NUBPL: variants seen among roughly 807,000 people sequenced by gnomAD.
NUBPL encodes the protein iron-sulfur cluster transfer protein NUBPL.
A neutral mutation model predicts 45.7 loss-of-function variants in NUBPL; 31 were observed. The observed-to-expected ratio is 0.68, with a 90% CI of 0.51 to 0.92. NUBPL has a LOEUF of 0.92. Ranked by LOEUF, NUBPL falls within the 40% of genes least tolerant of loss-of-function variation. The pLI, the probability that NUBPL is intolerant of heterozygous loss-of-function variation, is 0.00. For missense variants in NUBPL, 401 were observed against 398.7 expected, an observed-to-expected ratio of 1.01 and a Z score of -0.05; for synonymous variants, 144 against 140.9, an observed-to-expected ratio of 1.02 and a Z score of -0.15.
chr14:31,597,707 A>G (rs2139550874), intron 3 of NUBPL, among the ~76,000 whole-genome samples: 1 of 152,272 alleles, frequency 6.6e-6, no homozygotes, highest in Non-Finnish European at 1.5e-5. Flanking sequence ...GAATTTTAAA[A>G]TAGCTTTTGT....
At chr14:31,853,080 G>GTGTTTTGTTT (rs77960720) in intron 10 of NUBPL, among the ~76,000 whole-genome samples, 1,545 of 118,326 alleles carry the variant, frequency 0.013, 19 homozygotes, top group East Asian at 0.031. Flanking sequence ...GTGTTGTGTT[G>GTGTTTTGTTT]TGTTTTGTTT....
At chr14:31,807,329 T>A (rs1315828864) in intron 7 of NUBPL, among the ~76,000 whole-genome samples, 1 of 151,906 alleles carries the variant, frequency 6.6e-6, no homozygotes, top group Non-Finnish European at 1.5e-5. Context: ...TGGTGTGAGG[T>A]GGTATCTCAT....
chr14:31,727,050 A>G (rs1383218444), intron 6 of NUBPL, among the ~76,000 whole-genome samples: 3 of 152,196 alleles, frequency 2.0e-5, no homozygotes, highest in Admixed American at 6.5e-5. Context: ...TTGTTGAGTT[A>G]GCGAATAACC....
intron 4 of NUBPL, among the ~76,000 whole-genome samples, chr14:31,655,026 A>G (rs1433634442): frequency 6.6e-6 from 1 of 152,194 alleles, no homozygotes; most frequent in African/African-American, 2.4e-5. Flanking sequence ...ATGAGATTGC[A>G]GCAATTAAGT....
chr14:31,574,397 T>G (rs978964253), intron 3 of NUBPL, among the ~76,000 whole-genome samples: 1 of 151,158 alleles, frequency 6.6e-6, no homozygotes, highest in Non-Finnish European at 1.5e-5. Flanking sequence ...CCTGAGTAGC[T>G]GGGAGTACAG....
chr14:31,755,771 C>T (rs1015453026), intron 6 of NUBPL, among the ~76,000 whole-genome samples: 3 of 151,692 alleles, frequency 2.0e-5, no homozygotes, highest in African/African-American at 7.3e-5. Flanking sequence ...GAAGTCCTTG[C>T]CCATGCCTAT....
At chr14:31,615,446 G>GC (rs904978030) in intron 4 of NUBPL, among the ~76,000 whole-genome samples, 12 of 151,792 alleles carry the variant, frequency 7.9e-5, no homozygotes, top group African/African-American at 2.4e-4. Flanking sequence ...CCCTACCCTA[G>GC]CCCCCCCAAC....
At chr14:31,618,440 C>T (rs1299171119) in intron 4 of NUBPL, among the ~76,000 whole-genome samples, 1 of 152,192 alleles carries the variant, frequency 6.6e-6, no homozygotes, top group Non-Finnish European at 1.5e-5. Flanking sequence ...CTACACACTG[C>T]TTTAAATGTG....
chr14:31,654,468 G>A (rs2036093003), intron 4 of NUBPL, among the ~76,000 whole-genome samples: 2 of 151,230 alleles, frequency 1.3e-5, no homozygotes, highest in Non-Finnish European at 2.9e-5. Context: ...GAGTGCAGTG[G>A]CATGATCTCA....
chr14:31,779,935 C>T (rs533959790), intron 6 of NUBPL, among the ~76,000 whole-genome samples: 1 of 152,328 alleles, frequency 6.6e-6, no homozygotes, highest in African/African-American at 2.4e-5. Context: ...TTTTCATTCA[C>T]TCCCTGAAAA....
intron 3 of NUBPL, among the ~76,000 whole-genome samples, chr14:31,579,943 A>G (rs1056622460): frequency 6.6e-6 from 1 of 152,258 alleles, no homozygotes; most frequent in African/African-American, 2.4e-5. Context: ...CACTGATTGC[A>G]CTGTGAAGGA....
intron 3 of NUBPL, 62 bp downstream of exon 3, chr14:31,565,110 C>A: frequency 2.1e-6 from 2 of 967,534 alleles, no homozygotes; most frequent in South Asian, 1.5e-5. Context: ...TGATAAAGAG[C>A]ATATTGGTGT....
chr14:31,836,542 T>C (rs1162104553), intron 8 of NUBPL, among the ~76,000 whole-genome samples: 1 of 152,220 alleles, frequency 6.6e-6, no homozygotes, highest in Admixed American at 6.5e-5. Context: ...ACTTGAATTC[T>C]TTCCTATTTA....
At chr14:31,708,835 GGGGCAGTGCACCTTCCAGTGATTGC>G (rs1278048303) in intron 6 of NUBPL, among the ~76,000 whole-genome samples, 1 of 152,190 alleles carries the variant, frequency 6.6e-6, no homozygotes, top group East Asian at 1.9e-4. Flanking sequence ...TTTGTTCTCT[GGGGCAGTGCACCTTCCAGTGATTGC>G]CTTGGCATAG....
At chr14:31,814,013 A>G (rs1156623128) in intron 7 of NUBPL, among the ~76,000 whole-genome samples, 1 of 152,156 alleles carries the variant, frequency 6.6e-6, no homozygotes. Context: ...ATGTGTCTTT[A>G]TAGTAGAATG....
chr14:31,597,162 A>G (rs1295908959), intron 3 of NUBPL, among the ~76,000 whole-genome samples: 1 of 151,882 alleles, frequency 6.6e-6, no homozygotes, highest in East Asian at 1.9e-4. Flanking sequence ...TTTTTGATAT[A>G]TGCAAGCATT....
chr14:31,716,873 ATCCT>A (rs1192823463), intron 6 of NUBPL, among the ~76,000 whole-genome samples: 2 of 152,104 alleles, frequency 1.3e-5, no homozygotes, highest in African/African-American at 4.8e-5. Context: ...CCCTTGACTC[ATCCT>A]TCTTTCTTTC....
intron 4 of NUBPL, among the ~76,000 whole-genome samples, chr14:31,624,209 G>A (rs1422529861): frequency 6.6e-6 from 1 of 152,172 alleles, no homozygotes; most frequent in African/African-American, 2.4e-5. Context: ...TATTGAGTAT[G>A]ACTGAGAAAA....
At chr14:31,802,283 T>A (rs1595650571) in intron 7 of NUBPL, among the ~76,000 whole-genome samples, 1 of 12,182 alleles carries the variant, frequency 8.2e-5, no homozygotes, top group East Asian at 0.022. Context: ...CTTCTTCTTC[T>A]TCTTTTTTTT....
Sources: allele counts gnomAD v4.1 joint callset (sites outside exome capture counted in the v4.1 genomes callset), GRCh38; gene constraint gnomAD v4.1.1; transcripts MANE v1.5; gene names NCBI Gene and HGNC (gene_info 2026-07-23, HGNC 2026-07-21).